Variants in MYO16 observed in about 807,000 individuals in gnomAD.
MYO16 encodes unconventional myosin-XVI.
In MYO16, 94 loss-of-function variants were observed where a neutral mutation model predicts 205.3. The ratio of observed to expected loss-of-function variants is 0.46; its 90% CI spans 0.39 to 0.54. The LOEUF is 0.54. Ranked by LOEUF, MYO16 falls within the 20% of genes least tolerant of loss-of-function variation. The pLI is 0.00. For missense variants in MYO16, 2,315 were observed against 2,387.5 expected, an observed-to-expected ratio of 0.97 and a Z score of 0.63; for synonymous variants, 988 against 954.0, an observed-to-expected ratio of 1.04 and a Z score of -0.66.
At chr13:108,519,012 T>C in the MYO16 span, among the ~76,000 whole-genome samples, 1 of 152,110 alleles carries the variant, frequency 6.6e-6, no homozygotes, top group Non-Finnish European at 1.5e-5. Context: ...TTCAAAAGAA[T>C]AGAGACACCA....
At position 109,010,066 on chromosome 13, in the gene MYO16, A is replaced by G. The variant is rs76658387; in HGVS notation, c.2595+1017A>G. The stretch of plus-strand genomic sequence containing the variant: ...CATGGGCCATATTTATATTTCAAGG[A>G]TTACCTATTTGTCCCTGGCCCTGAG... On this transcript the variant is annotated intron_variant, in intron 22 of 34. Coordinates refer to ENST00000457511, the MANE Select transcript of MYO16 (RefSeq NM_001198950.3). Among the ~76,000 whole-genome samples, 606 of 152,238 alleles carry G rather than the reference A, an allele frequency of 4.0e-3. 32 individuals are homozygous for G. In the East Asian group the frequency reaches 0.1, roughly 26 times the overall value.
intron 2 of MYO16, among the ~76,000 whole-genome samples, chr13:108,700,780 A>G (rs1883277105): frequency 6.6e-6 from 1 of 152,212 alleles, no homozygotes; most frequent in African/African-American, 2.4e-5. Context: ...CTGGAAAATG[A>G]GAGGTCCATA....
At chr13:108,978,804 GC>G (rs1449795096) in intron 20 of MYO16, among the ~76,000 whole-genome samples, 7 of 151,820 alleles carry the variant, frequency 4.6e-5, no homozygotes, top group South Asian at 2.1e-4. Context: ...TGGTGAAATC[GC>G]CCTAAAATCT....
intron 2 of MYO16, among the ~76,000 whole-genome samples, chr13:108,711,061 A>C (rs766723986): frequency 6.6e-6 from 1 of 152,202 alleles, no homozygotes; most frequent in Non-Finnish European, 1.5e-5. Context: ...GCCTTCATTT[A>C]TTCTATATAT....
chr13:108,922,659 A>G (rs1340490621), intron 16 of MYO16, among the ~76,000 whole-genome samples: 2 of 152,192 alleles, frequency 1.3e-5, no homozygotes, highest in Admixed American at 1.3e-4. Flanking sequence ...CAAACCAGAC[A>G]TACGTCGTAG....
intron 12 of MYO16, among the ~76,000 whole-genome samples, chr13:108,869,987 A>G (rs1335128083): frequency 1.3e-5 from 2 of 151,402 alleles, no homozygotes; most frequent in Non-Finnish European, 2.9e-5. Context: ...ATTTAAAAAT[A>G]TATATATATT....
At chr13:108,621,625 T>A (rs1594149916) in intron 1 of MYO16, among the ~76,000 whole-genome samples, 1 of 152,242 alleles carries the variant, frequency 6.6e-6, no homozygotes, top group East Asian at 1.9e-4. Flanking sequence ...GTCATCGACA[T>A]TGTCGTGGCT....
intron 21 of MYO16, among the ~76,000 whole-genome samples, chr13:109,004,153 T>C (rs1319775944): frequency 6.6e-6 from 1 of 152,206 alleles, no homozygotes; most frequent in East Asian, 1.9e-4. Context: ...TTAACCACAC[T>C]ATCCATAAAC....
At chr13:109,194,820 A>G (rs552436614) in intron 34 of MYO16, among the ~76,000 whole-genome samples, 13 of 152,272 alleles carry the variant, frequency 8.5e-5, no homozygotes, top group Non-Finnish European at 1.6e-4. Context: ...TTATATAGAC[A>G]GATTTTTTTC....
At chr13:108,920,214 G>A (rs9559445) in intron 16 of MYO16, among the ~76,000 whole-genome samples, 28,427 of 152,090 alleles carry the variant, frequency 0.19, 2,933 homozygotes, top group East Asian at 0.5. Flanking sequence ...ACCTGCTTCT[G>A]TGTCTGGACA....
intron 16 of MYO16, among the ~76,000 whole-genome samples, chr13:108,918,674 C>T (rs1387450920): frequency 6.6e-6 from 1 of 152,214 alleles, no homozygotes; most frequent in Non-Finnish European, 1.5e-5. Flanking sequence ...TGCTATGGCT[C>T]ACGCCTGTAA....
chr13:108,699,322 T>C (rs72666704), intron 2 of MYO16, among the ~76,000 whole-genome samples: 5,603 of 152,188 alleles, frequency 0.037, 137 homozygotes, highest in Non-Finnish European at 0.057. Flanking sequence ...TGGTGTTCTT[T>C]ATTTTTGTTT....
At chr13:109,193,165 AAT>A (rs1367006004) in intron 34 of MYO16, among the ~76,000 whole-genome samples, 2 of 152,072 alleles carry the variant, frequency 1.3e-5, no homozygotes, top group Admixed American at 1.3e-4. Context: ...GTGTATAGAG[AAT>A]AGTGTATATA....
chr13:108,964,687 T>A, intron 19 of MYO16, 74 bp from the exon 20 acceptor site: 3 of 1,468,932 alleles, frequency 2.0e-6, no homozygotes, highest in Admixed American at 3.7e-5. Context: ...ATTAATAGGA[T>A]ATGTGGAGTT....
intron 4 of MYO16, among the ~76,000 whole-genome samples, chr13:108,743,375 G>A (rs192272711): frequency 1.2e-3 from 187 of 152,208 alleles, no homozygotes; most frequent in Admixed American, 4.0e-3. Flanking sequence ...AGAACTAAAG[G>A]ACAAAATATT....
At chr13:109,153,758 C>A (rs969186859) in intron 32 of MYO16, among the ~76,000 whole-genome samples, 4 of 150,236 alleles carry the variant, frequency 2.7e-5, no homozygotes, top group African/African-American at 7.3e-5. Flanking sequence ...GACTCTGTCT[C>A]AAAAAAAAAG....
At chr13:108,734,170 G>A (rs1884614582) in intron 4 of MYO16, among the ~76,000 whole-genome samples, 1 of 150,988 alleles carries the variant, frequency 6.6e-6, no homozygotes, top group African/African-American at 2.4e-5. Flanking sequence ...CTGTTTGCAG[G>A]CACCTTATTT....
chr13:108,941,094 A>C (rs569379062), intron 16 of MYO16, among the ~76,000 whole-genome samples: 48 of 152,066 alleles, frequency 3.2e-4, no homozygotes, highest in Non-Finnish European at 5.6e-4. Context: ...AATGAGTGAG[A>C]CACAGGCTGG....
chr13:108,763,521 G>T (rs1237450420), intron 4 of MYO16, among the ~76,000 whole-genome samples: 2 of 152,148 alleles, frequency 1.3e-5, no homozygotes, highest in Non-Finnish European at 2.9e-5. Context: ...AATATTCATG[G>T]TAGAATTTGG....
Sources: gnomAD v4.1 joint callset for allele counts (sites outside exome capture counted in the v4.1 genomes callset) on GRCh38, gnomAD v4.1.1 for gene constraint, MANE v1.5 for transcripts, NCBI Gene and HGNC (gene_info 2026-07-23, HGNC 2026-07-21) for gene names.